The following AP1S3 variants were observed in gnomAD, a reference collection of about 807,000 sequenced individuals.
AP1S3 encodes AP-1 complex subunit sigma-3.
AP1S3 carries 10 observed loss-of-function variants against 20.9 expected under a neutral mutation model. That is an observed-to-expected ratio of 0.48 (90% confidence interval 0.29 to 0.81). AP1S3 has a LOEUF of 0.81. AP1S3 is among the 30% of genes least tolerant of loss of function. AP1S3 has a pLI of 0.08. For synonymous variants in AP1S3, 41 were observed against 61.5 expected, an observed-to-expected ratio of 0.67 and a Z score of 1.56; for missense variants, 154 against 183.8, an observed-to-expected ratio of 0.84 and a Z score of 0.94.
chr2:223,825,221 G>C (rs1692099214), intron 1 of AP1S3, among the ~76,000 whole-genome samples: 1 of 151,796 alleles, frequency 6.6e-6, no homozygotes, highest in Admixed American at 6.6e-5. Flanking sequence ...GCTGAGATAG[G>C]AGAATGGCGT....
intron 1 of AP1S3, among the ~76,000 whole-genome samples, chr2:223,785,570 A>G (rs1441477406): frequency 6.6e-6 from 1 of 152,228 alleles, no homozygotes; most frequent in Non-Finnish European, 1.5e-5. Context: ...AATAAAAAGA[A>G]TATCAGTGAG....
intron 4 of AP1S3, among the ~76,000 whole-genome samples, chr2:223,759,420 T>C (rs2106073647): frequency 6.6e-6 from 1 of 152,372 alleles, no homozygotes; most frequent in African/African-American, 2.4e-5. Flanking sequence ...TAGAGAATTC[T>C]GAATTACGTC....
At chr2:223,826,033 G>C (rs16865245) in intron 1 of AP1S3, among the ~76,000 whole-genome samples, 3,400 of 152,216 alleles carry the variant, frequency 0.022, 103 homozygotes, top group African/African-American at 0.076. Flanking sequence ...ACACACAGAT[G>C]AACAGGTGAG....
intron 1 of AP1S3, among the ~76,000 whole-genome samples, chr2:223,823,082 T>A (rs985331491): frequency 1.3e-5 from 2 of 152,056 alleles, no homozygotes; most frequent in Non-Finnish European, 2.9e-5. Flanking sequence ...ATCAAAAAGA[T>A]GAAAGATAAT....
At chr2:223,803,862 A>G (rs1467389773) in intron 1 of AP1S3, among the ~76,000 whole-genome samples, 1 of 150,568 alleles carries the variant, frequency 6.6e-6, no homozygotes, top group East Asian at 2.0e-4. Flanking sequence ...CCTGGGTGAC[A>G]GAGCGAGACT....
At chr2:223,781,323 GA>G (rs1423473957) in intron 1 of AP1S3, among the ~76,000 whole-genome samples, 1 of 151,698 alleles carries the variant, frequency 6.6e-6, no homozygotes, top group Non-Finnish European at 1.5e-5. Flanking sequence ...CAGGTGATGA[GA>G]AACCAATTTA....
intron 1 of AP1S3, 96 bp from the exon 2 acceptor site, chr2:223,777,965 G>A: frequency 8.9e-7 from 1 of 1,123,550 alleles, no homozygotes; most frequent in Non-Finnish European, 1.2e-6. Context: ...TACACAGAAA[G>A]ATAATTCTGA....
chr2:223,780,292 TATATATATATATATATAGAGAG>T (rs1372244122), intron 1 of AP1S3, among the ~76,000 whole-genome samples: 3 of 45,088 alleles, frequency 6.7e-5, no homozygotes, highest in East Asian at 1.3e-3. Flanking sequence ...TATATATATA[TATATATATATATATATAGAGAG>T]AGAGAGAGAG....
intron 1 of AP1S3, among the ~76,000 whole-genome samples, chr2:223,809,614 A>T (rs1019841206): frequency 2.0e-5 from 3 of 151,828 alleles, no homozygotes; most frequent in African/African-American, 7.2e-5. Context: ...ACTGCACTCC[A>T]GCCTGGGGGA....
intron 1 of AP1S3, among the ~76,000 whole-genome samples, chr2:223,827,646 A>G (rs981115623): frequency 6.6e-6 from 1 of 151,688 alleles, no homozygotes; most frequent in African/African-American, 2.4e-5. Flanking sequence ...TCACCCTCCC[A>G]AAGTGCTGAG....
intron 1 of AP1S3, among the ~76,000 whole-genome samples, chr2:223,810,918 T>C (rs543805057): frequency 6.6e-6 from 1 of 152,290 alleles, no homozygotes; most frequent in South Asian, 2.1e-4. Context: ...CTTTTTATTA[T>C]GGTTTAAATT....
At chr2:223,781,673 G>A (rs552532867) in intron 1 of AP1S3, among the ~76,000 whole-genome samples, 2 of 152,186 alleles carry the variant, frequency 1.3e-5, no homozygotes, top group East Asian at 3.9e-4. Context: ...TCCAAGAAGA[G>A]ATCATAAAAG....
At chr2:223,834,109 T>C (rs1193076320) in intron 1 of AP1S3, among the ~76,000 whole-genome samples, 1 of 152,166 alleles carries the variant, frequency 6.6e-6, no homozygotes, top group Non-Finnish European at 1.5e-5. Flanking sequence ...TGTTTCTCCA[T>C]GTTGATCAGG....
chr2:223,820,626 T>C (rs1466895165), intron 1 of AP1S3, among the ~76,000 whole-genome samples: 3 of 149,060 alleles, frequency 2.0e-5, no homozygotes, highest in African/African-American at 7.5e-5. Flanking sequence ...ATTCATATTC[T>C]ATATACCTAG....
In AP1S3 at chr2:223,808,277, C is replaced by T. The variant is rs116200526; in HGVS notation, c.3+29171G>A. On this transcript the variant is annotated intron_variant, in intron 1 of 4. Coordinates refer to ENST00000396654, the MANE Select transcript of AP1S3 (RefSeq NM_001039569.2). Reference sequence around the variant, plus strand: ...CTATCCTGCTCAACAACATCATTGGCAGACATGAGGCAACATTAACTCGGC... The same window carrying T: ...CTATCCTGCTCAACAACATCATTGGTAGACATGAGGCAACATTAACTCGGC... Among the ~76,000 whole-genome samples the T allele has an allele frequency of 1.3e-3, 202 of 152,236 alleles. 1 individual carries two copies. Among genetic ancestry groups the T allele is most frequent in the African/African-American group, 4.6e-3 (191 of 41,552 alleles).
At chr2:223,774,888 G>A (rs1690743998) in intron 3 of AP1S3, among the ~76,000 whole-genome samples, 1 of 152,156 alleles carries the variant, frequency 6.6e-6, no homozygotes, top group African/African-American at 2.4e-5. Context: ...CCAACAAGGG[G>A]AAGAAGAGTC....
At chr2:223,773,410 G>T in intron 3 of AP1S3, 1 of 1,270,726 alleles carries the variant, frequency 7.9e-7, no homozygotes, top group Non-Finnish European at 1.0e-6. Context: ...ATAGTAGAAA[G>T]TATTAAATAA....
rs191444450 is a variant in AP1S3 at position 223,817,701 on chromosome 2, G to A, written c.3+19747C>T. On this transcript the variant is annotated intron_variant, in intron 1 of 4. Coordinates refer to ENST00000396654, the MANE Select transcript of AP1S3 (RefSeq NM_001039569.2). ...CCCTGTTTGGCTTCTCTGAGTATCC[G>A]CTGTTGATTTATTTAACTGGAATGG... Among the ~76,000 whole-genome samples, 104 of 151,782 alleles carry A rather than the reference G, an allele frequency of 6.9e-4. 1 individual carries two copies. The highest frequency in any genetic ancestry group is 3.7e-3 in the East Asian group (19 of 5,174).
rs1007050093 is a variant in AP1S3 at position 223,758,646 on chromosome 2, C to A, written c.*69G>T. ...GGTGCCTGAGGCTCCATCAAAAAAC[C>A]GGATGGGAGGCGTTGCTTATTTACA... On this transcript the variant is annotated 3_prime_UTR_variant, in exon 5 of 5. Transcript: ENST00000396654. 4.1e-6 allele frequency: 6 copies of A among 1,472,862 alleles called. No homozygotes were observed. The highest frequency in any genetic ancestry group is 2.5e-5 in the East Asian group (1 of 40,150). 91.2% of individuals were successfully genotyped at this position (1,472,862 alleles called of 1,614,324 possible). A position where few individuals can be genotyped will look rare whatever the true frequency, so the allele number is the denominator to read the frequency against.
Sources: allele counts gnomAD v4.1 joint callset (sites outside exome capture counted in the v4.1 genomes callset), GRCh38; gene constraint gnomAD v4.1.1; transcripts MANE v1.5; gene names NCBI Gene and HGNC (gene_info 2026-07-23, HGNC 2026-07-21).